XYLT1: variants seen among roughly 807,000 people sequenced by gnomAD.
XYLT1 encodes xylosyltransferase 1.
In XYLT1, 36 loss-of-function variants were observed where a neutral mutation model predicts 91.3. The observed-to-expected ratio is 0.39, with a 90% CI of 0.30 to 0.52. The LOEUF is 0.52. Among genes scored for constraint, XYLT1 ranks in the 20% least tolerant of loss-of-function variants. The pLI, the probability that XYLT1 is intolerant of heterozygous loss-of-function variation, is 0.68. For missense variants in XYLT1, 1,242 were observed against 1,284.5 expected (o/e 0.97, Z 0.51); for synonymous variants, 588 against 532.0 (o/e 1.11, Z -1.45).
At chr16:17,111,165 A>G (rs1326749153) in intron 11 of XYLT1, among the ~76,000 whole-genome samples, 2 of 152,162 alleles carry the variant, frequency 1.3e-5, no homozygotes, top group African/African-American at 4.8e-5. Context: ...ATCTCAAAAA[A>G]AAATTTTAAA....
intron 1 of XYLT1, among the ~76,000 whole-genome samples, chr16:17,368,799 G>C (rs926967464): frequency 6.6e-6 from 1 of 151,986 alleles, no homozygotes; most frequent in East Asian, 1.9e-4. Context: ...GCCCAGGCTG[G>C]TCTTGAACTC....
chr16:17,227,870 T>C (rs1025934490), intron 3 of XYLT1: 4 of 152,256 alleles, frequency 2.6e-5, no homozygotes, highest in African/African-American at 7.2e-5. Context: ...CTAGAAATGA[T>C]AGCGACTTTG....
intron 1 of XYLT1, among the ~76,000 whole-genome samples, chr16:17,468,962 C>G (rs1368063652): frequency 1.3e-5 from 2 of 152,164 alleles, no homozygotes; most frequent in Non-Finnish European, 2.9e-5. Flanking sequence ...TTCAGAGTAC[C>G]CCTCTCTGTA....
At chr16:17,120,055 C>T (rs1276506919) in intron 10 of XYLT1, among the ~76,000 whole-genome samples, 2 of 152,188 alleles carry the variant, frequency 1.3e-5, no homozygotes, top group East Asian at 1.9e-4. Context: ...GTGGGGGCTG[C>T]CATCCCTCCC....
chr16:17,463,386 A>G (rs1169280918), intron 1 of XYLT1, among the ~76,000 whole-genome samples: 1 of 152,138 alleles, frequency 6.6e-6, no homozygotes, highest in Non-Finnish European at 1.5e-5. Context: ...AAAAACAAGT[A>G]GTCCAATTTT....
At chr16:17,357,923 G>A (rs748291804) in intron 2 of XYLT1, 89 bp downstream of exon 2, 6 of 1,456,656 alleles carry the variant, frequency 4.1e-6, no homozygotes, top group South Asian at 3.7e-5. Context: ...CCATGGGCCT[G>A]TCCAGCCTTT....
At chr16:17,420,032 T>C (rs2036232270) in intron 1 of XYLT1, among the ~76,000 whole-genome samples, 1 of 152,232 alleles carries the variant, frequency 6.6e-6, no homozygotes. Context: ...GCTCAATGAC[T>C]GGGTGAAGTT....
chr16:17,456,430 C>G (rs2036744190), intron 1 of XYLT1, among the ~76,000 whole-genome samples: 2 of 151,154 alleles, frequency 1.3e-5, no homozygotes, highest in African/African-American at 2.4e-5. Flanking sequence ...CTCAACCTCC[C>G]AGGGTCAAGT....
intron 10 of XYLT1, among the ~76,000 whole-genome samples, chr16:17,123,028 CTT>C: frequency 6.6e-6 from 1 of 152,120 alleles, no homozygotes; most frequent in Non-Finnish European, 1.5e-5. Flanking sequence ...CAGATTTGTT[CTT>C]TTTGCTTAGT....
Position 17,196,685 on chromosome 16 carries a change from TC to T in XYLT1, c.1289+1526del, listed in dbSNP as rs111896711. Among the ~76,000 whole-genome samples the T allele has an allele frequency of 4.6e-3, 699 of 152,176 alleles. 2 individuals are homozygous for T. Among genetic ancestry groups the T allele is most frequent in the African/African-American group, 0.016 (670 of 41,510 alleles). ...CCTCATGCCATCAGAGGGAGGAAGATCCCCCTCTTCACCCCCATCCACTTTC... is the reference window on the plus strand; with the variant it reads ...CCTCATGCCATCAGAGGGAGGAAGATCCCCTCTTCACCCCCATCCACTTTC... On this transcript the variant is annotated intron_variant, in intron 5 of 11. Coordinates refer to ENST00000261381, the MANE Select transcript of XYLT1 (RefSeq NM_022166.4).
At chr16:17,364,187 T>C (rs569633319) in intron 1 of XYLT1, among the ~76,000 whole-genome samples, 1 of 152,304 alleles carries the variant, frequency 6.6e-6, no homozygotes, top group South Asian at 2.1e-4. Flanking sequence ...GCAAAGTCCT[T>C]AGCTTCTGTG....
At chr16:17,276,364 G>A (rs921145435) in intron 2 of XYLT1, among the ~76,000 whole-genome samples, 2 of 152,172 alleles carry the variant, frequency 1.3e-5, no homozygotes, top group Admixed American at 6.5e-5. Flanking sequence ...GGCATGGCCT[G>A]CAGGACATCC....
intron 6 of XYLT1, among the ~76,000 whole-genome samples, chr16:17,154,779 G>A (rs1258550144): frequency 6.6e-6 from 1 of 152,178 alleles, no homozygotes; most frequent in Non-Finnish European, 1.5e-5. Context: ...TCTTCACAGT[G>A]GGAGCCAGAA....
chr16:17,304,656 T>G (rs1028907522), intron 2 of XYLT1, among the ~76,000 whole-genome samples: 2 of 151,574 alleles, frequency 1.3e-5, no homozygotes, highest in African/African-American at 4.8e-5. Context: ...CAGTTAAGAT[T>G]TTTTTTTTCC....
At chr16:17,336,507 C>T (rs1308067988) in intron 2 of XYLT1, among the ~76,000 whole-genome samples, 1 of 152,130 alleles carries the variant, frequency 6.6e-6, no homozygotes, top group Non-Finnish European at 1.5e-5. Flanking sequence ...CCGTCCTTCA[C>T]TACTGTGTGG....
At chr16:17,202,780 A>G (rs984462731) in intron 3 of XYLT1, among the ~76,000 whole-genome samples, 3 of 151,572 alleles carry the variant, frequency 2.0e-5, no homozygotes, top group Non-Finnish European at 4.4e-5. Context: ...CCACTAGAAC[A>G]TTAGCTCCAA....
At chr16:17,391,902 C>G (rs1312762874) in intron 1 of XYLT1, among the ~76,000 whole-genome samples, 5 of 152,152 alleles carry the variant, frequency 3.3e-5, no homozygotes, top group Non-Finnish European at 7.3e-5. Flanking sequence ...TTGCCTGCCT[C>G]TACGTAAGAT....
At chr16:17,272,139 A>C (rs375452523) in intron 2 of XYLT1, among the ~76,000 whole-genome samples, 1 of 68,734 alleles carries the variant, frequency 1.5e-5, no homozygotes, top group Non-Finnish European at 3.3e-5. Flanking sequence ...CTTTTAATTT[A>C]TTTTTTGTTG....
chr16:17,351,309 T>G (rs2035216909), intron 2 of XYLT1, among the ~76,000 whole-genome samples: 3 of 152,004 alleles, frequency 2.0e-5, no homozygotes, highest in Non-Finnish European at 4.4e-5. Context: ...GGTCATGAGT[T>G]CGAGAACAGC....
Sources: gnomAD v4.1 joint callset for allele counts (sites outside exome capture counted in the v4.1 genomes callset) on GRCh38, gnomAD v4.1.1 for gene constraint, MANE v1.5 for transcripts, NCBI Gene and HGNC (gene_info 2026-07-23, HGNC 2026-07-21) for gene names.